The following PCDHA2 variants were observed in gnomAD, a reference collection of about 807,000 sequenced individuals.
The protein encoded by PCDHA2 is protocadherin alpha-2.
In PCDHA2, 58 loss-of-function variants were observed where a neutral mutation model predicts 66.0. The observed-to-expected ratio is 0.88, with a 90% confidence interval of 0.71 to 1.09. The LOEUF (loss-of-function observed/expected upper bound fraction) is 1.09. Ranked by LOEUF, PCDHA2 falls within the 50% of genes least tolerant of loss-of-function variation. PCDHA2 has a pLI of 0.00. For missense variants in PCDHA2, 1,267 were observed against 1,242.3 expected, an observed-to-expected ratio of 1.02 and a Z score of -0.30; for synonymous variants, 634 against 554.0, an observed-to-expected ratio of 1.14 and a Z score of -2.03.
chr5:140,822,764 C>T, intron 1 of PCDHA2: 1 of 1,613,898 alleles, frequency 6.2e-7, no homozygotes, highest in Admixed American at 1.7e-5. Context: ...TTCCCATTAT[C>T]AGGACACTGT....
chr5:140,871,361 G>C (rs1554165481), intron 1 of PCDHA2: 4 of 1,614,220 alleles, frequency 2.5e-6, no homozygotes, highest in South Asian at 2.2e-5. Flanking sequence ...TCGCAGCAGA[G>C]GCGGCAGAGG....
At chr5:141,006,528 T>A (rs1161709459) in intron 3 of PCDHA2, among the ~76,000 whole-genome samples, 1 of 152,092 alleles carries the variant, frequency 6.6e-6, no homozygotes, top group African/African-American at 2.4e-5. Context: ...ACATCAGTTT[T>A]TAAAGAGAGA....
chr5:140,876,469 C>T, intron 1 of PCDHA2: 1 of 1,613,956 alleles, frequency 6.2e-7, no homozygotes. Context: ...CATGGCAGGT[C>T]ACAGCATGGT....
intron 1 of PCDHA2, chr5:140,871,154 G>T (rs781880372): frequency 2.5e-5 from 41 of 1,613,308 alleles, no homozygotes; most frequent in Non-Finnish European, 3.5e-5. Flanking sequence ...ACTTTGGCGG[G>T]CGCCGCGAGC....
At position 140,795,386 on chromosome 5, in the gene PCDHA2, G is replaced by C. The variant is rs1056911639; in HGVS notation, c.422G>C (p.Arg141Pro). The C allele has an allele frequency of 6.2e-7, 1 of 1,614,026 alleles. No homozygotes were observed. The highest frequency in any genetic ancestry group is 1.3e-5 in the African/African-American group (1 of 74,890). The change falls in exon 1 of 4, where the codon CGG (arginine) becomes CCG (proline). Residue 141 changes from arginine (R) to proline (P), a missense_variant. Physicochemically the swap from Arg to Pro is moderately radical, Grantham distance 103. Coordinates refer to ENST00000526136, the MANE Select transcript of PCDHA2 (RefSeq NM_018905.3). ...PIFPMTVKTI[R>P]FPESRLLDSR... The stretch of plus-strand genomic sequence containing the variant: ...TTTCCAATGACAGTAAAGACTATCC[G>C]GTTTCCCGAATCAAGGCTGCTTGAT...
intron 1 of PCDHA2, chr5:140,842,572 A>G (rs3733705): frequency 3.9e-6 from 6 of 1,538,104 alleles, no homozygotes; most frequent in South Asian, 1.1e-5. Flanking sequence ...ACCGCGAGAG[A>G]GTGTCGGCCT....
rs1554119843 is a variant in PCDHA2, at chr5:140,796,323, G to T, written c.1359G>T (p.Pro453=). ...IEVADVNDNA[P]AFAQPEYTVF... ...TGGCCGACGTGAACGACAACGCGCC[G>T]GCGTTCGCACAGCCTGAGTACACAG... The change falls in exon 1 of 4, where the codon CCG becomes CCT. Residue 453 remains proline, a synonymous_variant. Transcript: ENST00000526136. The T allele has an allele frequency of 6.2e-7, 1 of 1,614,066 alleles. No homozygotes were observed. The highest frequency in any genetic ancestry group is 2.2e-5 in the East Asian group (1 of 44,878).
chr5:140,832,550 C>T (rs2150202230), intron 1 of PCDHA2, among the ~76,000 whole-genome samples: 4 of 152,164 alleles, frequency 2.6e-5, no homozygotes, highest in South Asian at 2.1e-4. Flanking sequence ...CTAATGATAT[C>T]TAACAGCCTC....
At position 140,849,621 on chromosome 5, in the gene PCDHA2, G is replaced by A. The variant is rs2150442688; in HGVS notation, c.2388+52269G>A. The stretch of plus-strand genomic sequence containing the variant: ...AGTTATTGCCCTGATTAGTGTGATC[G>A]ACCTAGACGCAGATGCCAACGGGCA... On this transcript the variant is annotated intron_variant, in intron 1 of 3. Transcript: ENST00000526136. The A allele has an allele frequency of 1.9e-6, 3 of 1,598,666 alleles. 1 individual carries two copies. The highest frequency in any genetic ancestry group is 2.2e-5 in the East Asian group (1 of 44,846).
intron 1 of PCDHA2, chr5:140,823,399 C>G: frequency 6.2e-7 from 1 of 1,612,960 alleles, no homozygotes; most frequent in Non-Finnish European, 8.5e-7. Flanking sequence ...CGCGGGCGTG[C>G]CGCCTCTGGG....
intron 1 of PCDHA2, chr5:140,883,159 G>A (rs782151764): frequency 3.1e-6 from 5 of 1,613,846 alleles, no homozygotes; most frequent in Admixed American, 3.3e-5. Context: ...CCATAAATCC[G>A]AACAATGGAG....
At chr5:140,891,502 T>C (rs11748559) in intron 1 of PCDHA2, among the ~76,000 whole-genome samples, 18,999 of 152,020 alleles carry the variant, frequency 0.12, 1,247 homozygotes, top group Middle Eastern at 0.19. Context: ...TCCTCAGCTA[T>C]AATGTTCTCC....
At chr5:140,807,189 T>C (rs1554123777) in intron 1 of PCDHA2, 3 of 1,613,154 alleles carry the variant, frequency 1.9e-6, no homozygotes, top group Admixed American at 1.7e-5. Context: ...GCACTAAAGA[T>C]GGAGTTTTCC....
chr5:140,869,522 T>A, intron 1 of PCDHA2: 1 of 1,614,172 alleles, frequency 6.2e-7, no homozygotes, highest in Non-Finnish European at 8.5e-7. Context: ...GAACAAAAGC[T>A]GCTGATTGCG....
At position 140,841,437 on chromosome 5, in the gene PCDHA2, C is replaced by G. The variant is rs2150315470; in HGVS notation, c.2388+44085C>G. The G allele has an allele frequency of 7.8e-4, 1,255 of 1,612,956 alleles. 28 individuals are homozygous for G. The East Asian group carries it at 0.027, about 34-fold the overall frequency. ...CTCCACTACTCCGTCCCCGAGGAGG[C>G]CAAACACGGCACCTTCGTGGGCCGG... On this transcript the variant is annotated intron_variant, in intron 1 of 3. Coordinates refer to ENST00000526136, the MANE Select transcript of PCDHA2 (RefSeq NM_018905.3).
chr5:140,829,646 G>A, intron 1 of PCDHA2: 2 of 1,612,376 alleles, frequency 1.2e-6, no homozygotes, highest in Non-Finnish European at 8.5e-7. Flanking sequence ...CAAGGTGTAC[G>A]CGCTGCAGCC....
At position 140,848,707 on chromosome 5, in the gene PCDHA2, G is replaced by T. The variant is rs2150418357; in HGVS notation, c.2388+51355G>T. 8 of 1,592,314 alleles carry T rather than the reference G, an allele frequency of 5.0e-6. 3 individuals are homozygous for T. Among genetic ancestry groups the T allele is most frequent in the Middle Eastern group, 3.5e-4 (2 of 5,774 alleles). ...CTGTTCCAGTTGGATTCCAAAGGCC[G>T]CGGGGACCTTCTGGAGGTAAATCTG... On this transcript the variant is annotated intron_variant, in intron 1 of 3. Coordinates refer to ENST00000526136, the MANE Select transcript of PCDHA2 (RefSeq NM_018905.3).
chr5:140,869,722 G>A, intron 1 of PCDHA2: 2 of 1,613,324 alleles, frequency 1.2e-6, no homozygotes, highest in Non-Finnish European at 1.7e-6. Flanking sequence ...GAAAACTCCG[G>A]AACTTAATTT....
intron 1 of PCDHA2, among the ~76,000 whole-genome samples, chr5:140,937,911 CAAAA>C (rs200797202): frequency 8.5e-6 from 1 of 117,894 alleles, no homozygotes; most frequent in Non-Finnish European, 1.9e-5. Context: ...GACTCCGTCT[CAAAA>C]AAAAAAAAAA....
Sources: allele counts gnomAD v4.1 joint callset (sites outside exome capture counted in the v4.1 genomes callset), GRCh38; gene constraint gnomAD v4.1.1; transcripts MANE v1.5; gene names NCBI Gene and HGNC (gene_info 2026-07-23, HGNC 2026-07-21).